Variants in RASAL2 observed in about 807,000 individuals in gnomAD.
RASAL2 encodes RAS protein activator like 2, also known as ras GTPase-activating protein nGAP.
RASAL2 carries 58 observed loss-of-function variants against 128.9 expected under a neutral mutation model. The ratio of observed to expected loss-of-function variants is 0.45; its 90% CI spans 0.36 to 0.56. The LOEUF is 0.56. RASAL2 is among the 20% of genes least tolerant of loss of function. The probability of loss-of-function intolerance (pLI) is 0.00; values close to 1 mark genes in which losing one functional copy is unlikely to be tolerated. For missense variants in RASAL2, 1,360 were observed against 1,601.6 expected, an observed-to-expected ratio of 0.85 and a Z score of 2.57; for synonymous variants, 561 against 580.8, an observed-to-expected ratio of 0.97 and a Z score of 0.49.
intron 15 of RASAL2, among the ~76,000 whole-genome samples, chr1:178,464,947 G>A (rs1647527484): frequency 6.7e-6 from 1 of 148,906 alleles, no homozygotes; most frequent in Admixed American, 6.8e-5. Flanking sequence ...GTTTTTTAAG[G>A]AAAAGTTGAC....
chr1:178,228,054 A>G (rs1049650731), intron 1 of RASAL2, among the ~76,000 whole-genome samples: 4 of 152,212 alleles, frequency 2.6e-5, no homozygotes, highest in African/African-American at 9.6e-5. Context: ...AACTAACGTG[A>G]GTGATATTAG....
intron 1 of RASAL2, among the ~76,000 whole-genome samples, chr1:178,260,369 T>A (rs367573929): frequency 0.37 from 1,156 of 3,136 alleles, 412 homozygotes; most frequent in African/African-American, 0.43. Flanking sequence ...AAAAAATATA[T>A]ATATATATAT....
At chr1:178,444,985 G>T (rs548915654) in intron 8 of RASAL2, among the ~76,000 whole-genome samples, 6 of 152,164 alleles carry the variant, frequency 3.9e-5, no homozygotes, top group Non-Finnish European at 7.4e-5. Flanking sequence ...GGAGCAAGGG[G>T]AGCTGACTAA....
chr1:178,108,646 T>C (rs181332034), intron 1 of RASAL2, among the ~76,000 whole-genome samples: 1 of 152,350 alleles, frequency 6.6e-6, no homozygotes, highest in East Asian at 1.9e-4. Context: ...TCTTAATCAC[T>C]ATATAATTTG....
intron 3 of RASAL2, among the ~76,000 whole-genome samples, chr1:178,310,620 T>C (rs150114716): frequency 3.9e-4 from 60 of 152,306 alleles, no homozygotes; most frequent in African/African-American, 1.3e-3. Flanking sequence ...AATTCTAAGT[T>C]GAGGTGCGAG....
chr1:178,416,402 A>G (rs1391628110), intron 4 of RASAL2, among the ~76,000 whole-genome samples: 3 of 152,016 alleles, frequency 2.0e-5, no homozygotes, highest in Non-Finnish European at 2.9e-5. Context: ...CATTTCCCTT[A>G]TATATAAGTA....
At chr1:178,287,153 A>G (rs148401951) in intron 2 of RASAL2, among the ~76,000 whole-genome samples, 2 of 151,612 alleles carry the variant, frequency 1.3e-5, no homozygotes, top group South Asian at 2.1e-4. Flanking sequence ...ACACTTGGCA[A>G]AGTGATAGCT....
At chr1:178,291,278 G>GAACC (rs1667271134) in intron 2 of RASAL2, among the ~76,000 whole-genome samples, 1 of 152,186 alleles carries the variant, frequency 6.6e-6, no homozygotes, top group East Asian at 1.9e-4. Flanking sequence ...AGGTAATGAA[G>GAACC]AACCTTGAAG....
intron 1 of RASAL2, among the ~76,000 whole-genome samples, chr1:178,244,305 C>T (rs1418570784): frequency 4.6e-5 from 7 of 151,932 alleles, no homozygotes; most frequent in Admixed American, 1.3e-4. Flanking sequence ...TGCAGTGGTG[C>T]GATCTTGGCT....
chr1:178,162,211 C>G (rs962353296), intron 1 of RASAL2, among the ~76,000 whole-genome samples: 1 of 146,336 alleles, frequency 6.8e-6, no homozygotes, highest in East Asian at 2.0e-4. Context: ...GTGATCTGCC[C>G]GCGTCGGCCT....
At chr1:178,225,987 C>T (rs1663771812) in intron 1 of RASAL2, among the ~76,000 whole-genome samples, 1 of 152,140 alleles carries the variant, frequency 6.6e-6, no homozygotes, top group African/African-American at 2.4e-5. Context: ...CAAATGTTCT[C>T]ATTTTGCCCC....
chr1:178,253,334 T>C (rs1397825604), intron 1 of RASAL2, among the ~76,000 whole-genome samples: 1 of 152,238 alleles, frequency 6.6e-6, no homozygotes, highest in Non-Finnish European at 1.5e-5. Flanking sequence ...ACGTCTGCAA[T>C]GACCCATATT....
At chr1:178,138,377 A>G (rs1342410884) in intron 1 of RASAL2, among the ~76,000 whole-genome samples, 4 of 152,180 alleles carry the variant, frequency 2.6e-5, no homozygotes, top group Non-Finnish European at 5.9e-5. Context: ...TATACCACAT[A>G]TTAATATATC....
At chr1:178,356,956 A>G (rs1307428975) in intron 3 of RASAL2, among the ~76,000 whole-genome samples, 1 of 152,126 alleles carries the variant, frequency 6.6e-6, no homozygotes, top group Non-Finnish European at 1.5e-5. Context: ...TTGTAGATTT[A>G]TCTGTTCCCC....
intron 1 of RASAL2, among the ~76,000 whole-genome samples, chr1:178,281,299 T>C (rs1666773579): frequency 6.6e-6 from 1 of 152,040 alleles, no homozygotes. Context: ...TTCTTATCTT[T>C]AGCACTAGAG....
chr1:178,457,716 C>A lies in RASAL2; in HGVS notation c.2424C>A (p.Asp808Glu), dbSNP rs772052002. 1 of 1,614,082 alleles carries A rather than the reference C, an allele frequency of 6.2e-7. No homozygotes were observed. Among genetic ancestry groups the A allele is most frequent in the East Asian group, 2.2e-5 (1 of 44,868 alleles). ...ATAAACTAAAATCTCCAAGCCAGGA[C>A]AACACAGACAGCTACTTCAGAGGGA... The part of the protein sequence containing the change: ...DLHKLKSPSQ[D>E]NTDSYFRGKT... The change falls in exon 14 of 18, where the codon GAC (aspartate) becomes GAA (glutamate). Residue 808 changes from aspartate to glutamate, a missense_variant. Physicochemically the swap from Asp to Glu is conservative, Grantham distance 45. Coordinates refer to ENST00000367649, the MANE Select transcript of RASAL2 (RefSeq NM_170692.4).
At chr1:178,105,986 T>G (rs1659074013) in intron 1 of RASAL2, among the ~76,000 whole-genome samples, 2 of 152,182 alleles carry the variant, frequency 1.3e-5, no homozygotes, top group Non-Finnish European at 1.5e-5. Flanking sequence ...ACGTTTTCTT[T>G]TTGAACTCAG....
chr1:178,427,518 A>G (rs1675586499), intron 5 of RASAL2, among the ~76,000 whole-genome samples: 1 of 152,118 alleles, frequency 6.6e-6, no homozygotes, highest in Non-Finnish European at 1.5e-5. Context: ...TATGGTGTTC[A>G]TTGGTAGGTG....
intron 4 of RASAL2, among the ~76,000 whole-genome samples, chr1:178,414,611 T>C (rs1158319448): frequency 1.3e-5 from 2 of 152,196 alleles, no homozygotes; most frequent in Admixed American, 1.3e-4. Context: ...GCTGTGAATC[T>C]AGAACTAAGT....
Sources: allele counts gnomAD v4.1 joint callset (sites outside exome capture counted in the v4.1 genomes callset), GRCh38; gene constraint gnomAD v4.1.1; transcripts MANE v1.5; gene names NCBI Gene and HGNC (gene_info 2026-07-23, HGNC 2026-07-21).